Variants in GULP1 observed in about 807,000 individuals in gnomAD.
GULP1 encodes GULP PTB domain containing engulfment adaptor 1, also known as PTB domain-containing engulfment adapter protein 1.
GULP1 carries 19 observed loss-of-function variants against 40.9 expected under a neutral mutation model. That is an observed-to-expected ratio of 0.46 (90% CI 0.32 to 0.68). The LOEUF is 0.68. GULP1 is among the 30% of genes least tolerant of loss of function. The pLI is 0.03. For synonymous variants in GULP1, 119 were observed against 117.6 expected (o/e 1.01, Z -0.08); for missense variants, 312 against 362.2 (o/e 0.86, Z 1.12).
rs763150992 is a variant in GULP1, at chr2:188,320,138, C to T, written c.-172+27972C>T. Among the ~76,000 whole-genome samples the T allele has an allele frequency of 3.3e-5, 5 of 152,136 alleles. No individual in the cohort carries two copies. The East Asian group carries it at 5.8e-4, about 18-fold the overall frequency. ...GCATTCCTAGTTGGTGCCAAATGTC[C>T]GCTGGGAGGAAGACCATCACCAGCT... On this transcript the variant is annotated intron_variant, in intron 1 of 11. Coordinates refer to ENST00000409830, the MANE Select transcript of GULP1 (RefSeq NM_016315.4).
intron 9 of GULP1, among the ~76,000 whole-genome samples, chr2:188,574,572 C>T (rs1699788201): frequency 6.6e-6 from 1 of 152,004 alleles, no homozygotes; most frequent in Non-Finnish European, 1.5e-5. Flanking sequence ...TATGGTAAGC[C>T]TGGGAGGTCA....
intron 2 of GULP1, among the ~76,000 whole-genome samples, chr2:188,435,187 C>G (rs964418389): frequency 6.6e-6 from 1 of 151,970 alleles, no homozygotes; most frequent in Non-Finnish European, 1.5e-5. Flanking sequence ...CCAAAATTTA[C>G]CTTTAATATA....
chr2:188,512,913 C>T (rs1344791910), intron 4 of GULP1, among the ~76,000 whole-genome samples: 3 of 151,986 alleles, frequency 2.0e-5, no homozygotes, highest in South Asian at 2.1e-4. Context: ...TAACCAAATA[C>T]GACATATCTT....
At chr2:188,402,918 A>T (rs2052516520) in intron 2 of GULP1, among the ~76,000 whole-genome samples, 1 of 152,204 alleles carries the variant, frequency 6.6e-6, no homozygotes, top group Non-Finnish European at 1.5e-5. Flanking sequence ...TTTACAGATG[A>T]GAAAGCTTAT....
chr2:188,332,049 A>G (rs2041664160), intron 1 of GULP1, among the ~76,000 whole-genome samples: 1 of 152,084 alleles, frequency 6.6e-6, no homozygotes, highest in Non-Finnish European at 1.5e-5. Context: ...ATTGATACTG[A>G]GTGTTTTCAG....
At chr2:188,578,551 T>C (rs1325612930) in intron 9 of GULP1, among the ~76,000 whole-genome samples, 1 of 150,266 alleles carries the variant, frequency 6.7e-6, no homozygotes, top group Non-Finnish European at 1.5e-5. Flanking sequence ...AAAAAAAGAA[T>C]AAAAAGAGCT....
chr2:188,503,014 G>C (rs1386195820), intron 4 of GULP1, among the ~76,000 whole-genome samples: 1 of 151,834 alleles, frequency 6.6e-6, no homozygotes, highest in Non-Finnish European at 1.5e-5. Context: ...TCAAGACTTC[G>C]TATGGAGTCA....
At chr2:188,549,679 A>G (rs1692944589) in intron 7 of GULP1, among the ~76,000 whole-genome samples, 1 of 151,804 alleles carries the variant, frequency 6.6e-6, no homozygotes. Context: ...AAAAACCTAT[A>G]CACAAATATT....
intron 6 of GULP1, among the ~76,000 whole-genome samples, chr2:188,530,483 A>G (rs1404460780): frequency 6.6e-6 from 1 of 152,186 alleles, no homozygotes. Flanking sequence ...TAATATGACT[A>G]TATTTGAAGA....
At chr2:188,443,416 A>G (rs75645677) in intron 2 of GULP1, among the ~76,000 whole-genome samples, 2,983 of 152,296 alleles carry the variant, frequency 0.02, 97 homozygotes, top group African/African-American at 0.068. Flanking sequence ...CATTGTAGAC[A>G]TTAAATAGGA....
intron 2 of GULP1, among the ~76,000 whole-genome samples, chr2:188,414,826 G>A (rs1333024172): frequency 1.3e-5 from 2 of 152,106 alleles, no homozygotes; most frequent in African/African-American, 2.4e-5. Flanking sequence ...ACAAACTTTA[G>A]GTAATTAGAG....
intron 8 of GULP1, 39 bp downstream of exon 8, chr2:188,569,394 G>A (rs750929010): frequency 9.9e-7 from 1 of 1,014,604 alleles, no homozygotes; most frequent in South Asian, 1.3e-5. Flanking sequence ...TTTGTGTGAT[G>A]TAAGTACAGG....
intron 1 of GULP1, among the ~76,000 whole-genome samples, chr2:188,324,153 A>G (rs896015788): frequency 2.6e-5 from 4 of 152,148 alleles, no homozygotes; most frequent in African/African-American, 9.6e-5. Flanking sequence ...ATTATAAGAC[A>G]TCCTAATGTC....
intron 2 of GULP1, among the ~76,000 whole-genome samples, chr2:188,474,259 G>A (rs1407797748): frequency 2.0e-5 from 3 of 152,072 alleles, no homozygotes; most frequent in South Asian, 2.1e-4. Flanking sequence ...AGTAGGTCAC[G>A]TGCCCCAGCA....
intron 2 of GULP1, among the ~76,000 whole-genome samples, chr2:188,474,739 G>A (rs1268162047): frequency 2.0e-5 from 3 of 152,082 alleles, no homozygotes; most frequent in South Asian, 2.1e-4. Flanking sequence ...TGTTTGGATA[G>A]TTGTTAAATT....
intron 10 of GULP1, among the ~76,000 whole-genome samples, chr2:188,587,531 G>A (rs1276170387): frequency 1.3e-5 from 2 of 152,014 alleles, no homozygotes; most frequent in Non-Finnish European, 2.9e-5. Flanking sequence ...AATTTAAATT[G>A]CTTCAATAAA....
At chr2:188,592,073 T>C (rs528499540) in intron 11 of GULP1, 2 of 152,098 alleles carry the variant, frequency 1.3e-5, no homozygotes, top group Non-Finnish European at 2.9e-5. Flanking sequence ...GATATTATTG[T>C]AAGTCATATA....
chr2:188,340,090 A>C (rs1178280779), intron 1 of GULP1, among the ~76,000 whole-genome samples: 1 of 152,196 alleles, frequency 6.6e-6, no homozygotes, highest in East Asian at 1.9e-4. Flanking sequence ...AAGAGAGGGG[A>C]TGGACTACCT....
intron 7 of GULP1, among the ~76,000 whole-genome samples, chr2:188,553,794 G>A (rs1250077411): frequency 6.6e-6 from 1 of 151,948 alleles, no homozygotes; most frequent in Non-Finnish European, 1.5e-5. Context: ...GCTTTTCTTT[G>A]TTGAGACAGT....
Sources: gnomAD v4.1 joint callset for allele counts (sites outside exome capture counted in the v4.1 genomes callset) on GRCh38, gnomAD v4.1.1 for gene constraint, MANE v1.5 for transcripts, NCBI Gene and HGNC (gene_info 2026-07-23, HGNC 2026-07-21) for gene names.